PDE4B: variants seen among roughly 807,000 people sequenced by gnomAD.
The protein encoded by PDE4B is phosphodiesterase 4B.
In PDE4B, 20 loss-of-function variants were observed where a neutral mutation model predicts 82.2. That is an observed-to-expected ratio of 0.24 (90% CI 0.17 to 0.35). PDE4B has a LOEUF of 0.35. PDE4B is among the 10% of genes least tolerant of loss of function. PDE4B has a pLI of 1.00. For missense variants in PDE4B, 655 were observed against 907.2 expected (o/e 0.72, Z 3.57); for synonymous variants, 320 against 318.9 (o/e 1.00, Z -0.04).
intron 1 of PDE4B, among the ~76,000 whole-genome samples, chr1:65,845,049 T>C (rs1557775574): frequency 6.6e-6 from 1 of 152,168 alleles, no homozygotes; most frequent in African/African-American, 2.4e-5. Context: ...CCCATCTGTC[T>C]AAGGGGCATC....
At chr1:66,076,257 TGTAA>T (rs1435713883) in intron 3 of PDE4B, among the ~76,000 whole-genome samples, 3 of 152,166 alleles carry the variant, frequency 2.0e-5, no homozygotes, top group Non-Finnish European at 2.9e-5. Context: ...AGCTCCCACT[TGTAA>T]GTGAGAACAT....
At chr1:66,366,067 G>A (rs752117715) in intron 13 of PDE4B, among the ~76,000 whole-genome samples, 2 of 152,104 alleles carry the variant, frequency 1.3e-5, no homozygotes, top group Non-Finnish European at 2.9e-5. Flanking sequence ...AACAATAAAA[G>A]GTTTGGGGAT....
chr1:65,921,092 C>T lies in PDE4B; in HGVS notation c.281+2257C>T, dbSNP rs542808633. On this transcript the variant is annotated intron_variant, in intron 3 of 16. Coordinates refer to ENST00000341517, the MANE Select transcript of PDE4B (RefSeq NM_002600.4). ...CACGCCATTCTCCTGCCTCAGCCTC[C>T]CAAGTAGCTGGGACTACAGGCGCCT... is the stretch of plus-strand genomic sequence containing the variant. Among the ~76,000 whole-genome samples, 8 of 149,850 alleles carry T rather than the reference C, an allele frequency of 5.3e-5. No individual in the cohort carries two copies. In the East Asian group the frequency reaches 1.6e-3, roughly 29 times the overall value.
chr1:66,119,615 T>G (rs1197196800), intron 3 of PDE4B, among the ~76,000 whole-genome samples: 2 of 152,208 alleles, frequency 1.3e-5, no homozygotes, highest in Non-Finnish European at 2.9e-5. Flanking sequence ...GGGCACAAGC[T>G]TCTGCTGGGA....
intron 4 of PDE4B, among the ~76,000 whole-genome samples, chr1:66,255,244 C>G (rs936594931): frequency 6.6e-5 from 10 of 152,030 alleles, no homozygotes; most frequent in South Asian, 2.1e-4. Context: ...ACCACCACAC[C>G]CAGCTAATTT....
intron 1 of PDE4B, among the ~76,000 whole-genome samples, chr1:65,809,627 A>T (rs1356625369): frequency 6.6e-6 from 1 of 152,200 alleles, no homozygotes; most frequent in African/African-American, 2.4e-5. Context: ...ATGATATAGG[A>T]TATTTAAAGA....
chr1:66,016,137 T>C (rs1652762995), intron 3 of PDE4B, among the ~76,000 whole-genome samples: 1 of 152,188 alleles, frequency 6.6e-6, no homozygotes, highest in Admixed American at 6.5e-5. Context: ...ATGAGATATT[T>C]ATTGCAGTTA....
intron 3 of PDE4B, among the ~76,000 whole-genome samples, chr1:66,078,408 C>T (rs1656541986): frequency 6.6e-6 from 1 of 152,034 alleles, no homozygotes; most frequent in African/African-American, 2.4e-5. Context: ...CGGGGTTTCA[C>T]CATGTTGGCC....
In PDE4B at chr1:65,799,900, A is replaced by T. The variant is rs115387611; in HGVS notation, c.-71+6652A>T. Among the ~76,000 whole-genome samples the T allele has an allele frequency of 4.5e-3, 691 of 152,328 alleles. 6 individuals are homozygous for T. The highest frequency in any genetic ancestry group is 0.016 in the African/African-American group (661 of 41,586). On this transcript the variant is annotated intron_variant, in intron 1 of 16. Coordinates refer to ENST00000341517, the MANE Select transcript of PDE4B (RefSeq NM_002600.4). The stretch of plus-strand genomic sequence containing the variant: ...ACATATATTAAGATTCCTTAGAAAG[A>T]TTCTCCATCTGTTTCTTTCTGCTCT...
intron 3 of PDE4B, among the ~76,000 whole-genome samples, chr1:66,206,056 A>T (rs1649523013): frequency 6.6e-6 from 1 of 152,168 alleles, no homozygotes; most frequent in South Asian, 2.1e-4. Context: ...CTCCCAGGAC[A>T]CTCATGGAGT....
At chr1:66,321,857 A>G (rs1659427491) in intron 7 of PDE4B, among the ~76,000 whole-genome samples, 3 of 151,866 alleles carry the variant, frequency 2.0e-5, no homozygotes, top group African/African-American at 7.3e-5. Context: ...AAGAGCCCGC[A>G]TGGCCAAGAC....
intron 1 of PDE4B, among the ~76,000 whole-genome samples, chr1:65,877,487 C>T (rs866892417): frequency 7.9e-5 from 12 of 151,972 alleles, no homozygotes; most frequent in African/African-American, 7.2e-5. Context: ...TGGTGGCAGG[C>T]GCCTGTAGTC....
At chr1:66,066,092 A>G (rs186117620) in intron 3 of PDE4B, among the ~76,000 whole-genome samples, 59 of 151,690 alleles carry the variant, frequency 3.9e-4, no homozygotes, top group Admixed American at 7.9e-4. Context: ...AACAAAAATT[A>G]TAACTTAGAA....
intron 3 of PDE4B, among the ~76,000 whole-genome samples, chr1:66,063,544 G>A (rs951011604): frequency 1.3e-5 from 2 of 151,884 alleles, no homozygotes; most frequent in Non-Finnish European, 2.9e-5. Context: ...GGAGTATATA[G>A]TGATGTTTTA....
chr1:66,099,853 T>G (rs1645187260), intron 3 of PDE4B, among the ~76,000 whole-genome samples: 1 of 152,098 alleles, frequency 6.6e-6, no homozygotes. Context: ...TCAGAACAGA[T>G]TGCTTTCTCT....
At chr1:65,884,641 A>T (rs958047331) in intron 1 of PDE4B, among the ~76,000 whole-genome samples, 4 of 152,208 alleles carry the variant, frequency 2.6e-5, no homozygotes, top group African/African-American at 9.6e-5. Flanking sequence ...TGGTGCTGGG[A>T]AAACTGGCTA....
At chr1:66,103,840 A>G (rs1258515772) in intron 3 of PDE4B, among the ~76,000 whole-genome samples, 1 of 152,120 alleles carries the variant, frequency 6.6e-6, no homozygotes, top group Non-Finnish European at 1.5e-5. Context: ...ATTACTTTCT[A>G]GGAAATGGGA....
intron 1 of PDE4B, among the ~76,000 whole-genome samples, chr1:65,908,953 G>T (rs188505544): frequency 1.6e-4 from 25 of 152,224 alleles, no homozygotes; most frequent in Admixed American, 1.6e-3. Context: ...AGAACCTGAA[G>T]ATAAAAATAG....
chr1:66,327,419 C>T (rs1215316224), intron 7 of PDE4B, among the ~76,000 whole-genome samples: 1 of 152,200 alleles, frequency 6.6e-6, no homozygotes, highest in Non-Finnish European at 1.5e-5. Context: ...CAATGGTGAT[C>T]TCTGACTGCT....
Sources: allele counts gnomAD v4.1 joint callset (sites outside exome capture counted in the v4.1 genomes callset), GRCh38; gene constraint gnomAD v4.1.1; transcripts MANE v1.5; gene names NCBI Gene and HGNC (gene_info 2026-07-23, HGNC 2026-07-21).